The following ZNF175 variants were observed in gnomAD, a reference collection of about 807,000 sequenced individuals.
ZNF175 encodes the protein zinc finger protein OTK18.
A neutral mutation model predicts 14.0 loss-of-function variants in ZNF175; 8 were observed. The ratio of observed to expected loss-of-function variants is 0.57; its 90% CI spans 0.34 to 1.03. The LOEUF (loss-of-function observed/expected upper bound fraction) is 1.03. Among genes scored for constraint, ZNF175 ranks in the 50% least tolerant of loss-of-function variants. ZNF175 has a pLI of 0.03. For synonymous variants in ZNF175, 255 were observed against 296.8 expected (o/e 0.86, Z 1.45); for missense variants, 764 against 849.5 (o/e 0.90, Z 1.25).
In ZNF175 at chr19:51,589,120, G is replaced by A. The variant is rs117687667; in HGVS notation, c.*653G>A. The A allele has an allele frequency of 3.6e-3, 714 of 198,402 alleles. 2 individuals are homozygous for A. Among genetic ancestry groups the A allele is most frequent in the Non-Finnish European group, 5.4e-3 (541 of 99,756 alleles). The allele number at this position is 198,402 out of a possible 1,614,324, so 12.3% of individuals were successfully genotyped here. A position where few individuals can be genotyped will look rare whatever the true frequency, so the allele number is the denominator to read the frequency against. On this transcript the variant is annotated 3_prime_UTR_variant, in exon 5 of 5. Transcript: ENST00000262259. The stretch of plus-strand genomic sequence containing the variant: ...GCTCCAATTAGCATTTCCTTTGAGC[G>A]TCATGTTAGAGTTCAAAAAGTTTCA...
rs1404186099 is a variant in ZNF175, at chr19:51,587,305, A to G, written c.974A>G (p.Tyr325Cys). 1 of 1,614,246 alleles carries G rather than the reference A, an allele frequency of 6.2e-7. No homozygotes were observed. Among genetic ancestry groups the G allele is most frequent in the Non-Finnish European group, 8.5e-7 (1 of 1,180,032 alleles). ...ATGCCACAACTAAAACTCAGTGTAT[A>G]TCTGACAGATCATACAGGTGATATA... ...AFMPQLKLSV[Y>C]LTDHTGDIPC... Residue 325 changes from tyrosine to cysteine, a missense_variant, in exon 5 of 5, where the codon TAT (tyrosine) becomes TGT (cysteine). By Grantham distance (194) the Tyr-to-Cys change is radical. Coordinates refer to ENST00000262259, the MANE Select transcript of ZNF175 (RefSeq NM_007147.4).
chr19:51,581,256 T>G, intron 2 of ZNF175, 135 bp from the exon 3 acceptor site: 1 of 1,165,998 alleles, frequency 8.6e-7, no homozygotes, highest in Non-Finnish European at 1.2e-6. Flanking sequence ...CCTAAAAATG[T>G]GAAATAGGTG....
In ZNF175 at chr19:51,587,006, C is replaced by A; in HGVS notation, c.675C>A (p.Asp225Glu). ...GCAATGACACAGAACAGCTTGATGACGTTGTTGGGTCTGGTCAGCTATTCA... is the reference window on the plus strand; with the variant it reads ...GCAATGACACAGAACAGCTTGATGAAGTTGTTGGGTCTGGTCAGCTATTCA... ...NESNDTEQLD[D>E]VVGSGQLFSH... Residue 225 changes from aspartate (D) to glutamate (E), a missense_variant, in exon 5 of 5, where the codon GAC becomes GAA. Coordinates refer to ENST00000262259, the MANE Select transcript of ZNF175 (RefSeq NM_007147.4). 1 of 1,614,172 alleles carries A rather than the reference C, an allele frequency of 6.2e-7. No individual in the cohort carries two copies. The highest frequency in any genetic ancestry group is 8.5e-7 in the Non-Finnish European group (1 of 1,180,002).
chr19:51,581,665 A>G lies in ZNF175; in HGVS notation c.200-122A>G. On this transcript the variant is annotated intron_variant, in intron 3 of 4. Coordinates refer to ENST00000262259, the MANE Select transcript of ZNF175 (RefSeq NM_007147.4). ...TGTTTGTTTCTTTTGGGCACCTTCT[A>G]GTATTATTTTGTGCCCAGTGGAAAA... The G allele has an allele frequency of 2.0e-6, 3 of 1,516,338 alleles. No individual in the cohort carries two copies. In the South Asian group the frequency reaches 3.9e-5, roughly 20 times the overall value. The allele number at this position is 1,516,338 out of a possible 1,614,324, so 93.9% of individuals were successfully genotyped here.
In ZNF175 at chr19:51,588,499, A is replaced by T. The variant is rs1982253741; in HGVS notation, c.*32A>T. On this transcript the variant is annotated 3_prime_UTR_variant, in exon 5 of 5. Transcript: ENST00000262259. The stretch of plus-strand genomic sequence containing the variant: ...AGTGCATCAGCATATTCATAAATGA[A>T]ATATACTCCGAGTTTCTTGAAGAAG... 6.6e-7 allele frequency: 1 copy of T among 1,505,320 alleles called. No homozygotes were observed. Among genetic ancestry groups the T allele is most frequent in the East Asian group, 2.3e-5 (1 of 43,916 alleles). The allele number at this position is 1,505,320 out of a possible 1,614,324, so 93.2% of individuals were successfully genotyped here. A position where few individuals can be genotyped will look rare whatever the true frequency, so the allele number is the denominator to read the frequency against.
chr19:51,576,140 G>GTTT (rs1317986267), intron 2 of ZNF175, among the ~76,000 whole-genome samples: 1 of 135,324 alleles, frequency 7.4e-6, no homozygotes. Context: ...TTCAGGGACA[G>GTTT]TTTTTTTTTT....
rs1253235388 is a variant in ZNF175, at chr19:51,581,440, G to A, written c.122G>A (p.Trp41Ter). ...ACCGTGGACTTCAGCAGGGAGGAGT[G>A]GCAGCAACTGGACCCTGCCCAGAGA... Reference protein sequence around the residue: ...DVTVDFSREEWQQLDPAQRCL... With the variant: ...DVTVDFSREE Residue 41 changes from tryptophan to a stop codon, truncating the protein, a stop_gained, in exon 3 of 5, where the codon TGG (tryptophan) becomes TAG (stop). Transcript: ENST00000262259. LOFTEE classifies it high-confidence loss of function. 1.2e-6 allele frequency: 2 copies of A among 1,614,014 alleles called. No homozygotes were observed. The highest frequency in any genetic ancestry group is 2.2e-5 in the East Asian group (1 of 44,892).
At chr19:51,578,407 A>AT (rs1981882466) in intron 2 of ZNF175, among the ~76,000 whole-genome samples, 1 of 68,664 alleles carries the variant, frequency 1.5e-5, no homozygotes. Flanking sequence ...TCTCAAAAAA[A>AT]AAGAAGCAAG....
At position 51,588,089 on chromosome 19, in the gene ZNF175, C is replaced by T. The variant is rs370046542; in HGVS notation, c.1758C>T (p.Pro586=). The change falls in exon 5 of 5, where the codon CCC becomes CCT. Residue 586 remains proline, a synonymous_variant. Coordinates refer to ENST00000262259, the MANE Select transcript of ZNF175 (RefSeq NM_007147.4). ...AGCGAATTCACACGGGTGAGAAACC[C>T]TATGTGTGCACTGAATGTGGGAAGG... ...EHQRIHTGEK[P]YVCTECGKAF... 1.2e-6 allele frequency: 2 copies of T among 1,613,752 alleles called. No homozygotes were observed. Among genetic ancestry groups the T allele is most frequent in the African/African-American group, 2.7e-5 (2 of 74,820 alleles).
chr19:51,580,247 C>T (rs1401098931), intron 2 of ZNF175, among the ~76,000 whole-genome samples: 1 of 152,146 alleles, frequency 6.6e-6, no homozygotes, highest in African/African-American at 2.4e-5. Flanking sequence ...TAATAGTTTG[C>T]ACACCACGTA....
At chr19:51,573,482 C>G (rs749238319) in intron 2 of ZNF175, 81 bp downstream of exon 2, 1 of 1,380,196 alleles carries the variant, frequency 7.2e-7, no homozygotes, top group South Asian at 1.2e-5. Flanking sequence ...CTCCCTGCTC[C>G]TGAGTCAGTC....
At position 51,590,232 on chromosome 19, in the gene ZNF175, C is replaced by T. The variant is rs1157655900; in HGVS notation, c.*1765C>T. ...TTTGATTCCTGGCTCCACTCTCTAC[C>T]CTCTGCATCTGCTGAGCAAGTTATT... On this transcript the variant is annotated 3_prime_UTR_variant, in exon 5 of 5. Coordinates refer to ENST00000262259, the MANE Select transcript of ZNF175 (RefSeq NM_007147.4). The T allele has an allele frequency of 6.6e-6, 1 of 152,494 alleles. No individual in the cohort carries two copies. Among genetic ancestry groups the T allele is most frequent in the Admixed American group, 6.5e-5 (1 of 15,306 alleles). The allele number at this position is 152,494 out of a possible 1,614,324, so 9.4% of individuals were successfully genotyped here.
Position 51,592,379 on chromosome 19 carries a change from C to G in ZNF175, c.*3912C>G. Reference sequence around the variant, plus strand: ...TTGTGGCTCCTTTGCAGATTACATGCGTTAATTATGTAAAGTCAAGCATTA... The same window carrying G: ...TTGTGGCTCCTTTGCAGATTACATGGGTTAATTATGTAAAGTCAAGCATTA... On this transcript the variant is annotated 3_prime_UTR_variant, in exon 5 of 5. Coordinates refer to ENST00000262259, the MANE Select transcript of ZNF175 (RefSeq NM_007147.4). 1 of 422,504 alleles carries G rather than the reference C, an allele frequency of 2.4e-6. No individual in the cohort carries two copies. The highest frequency in any genetic ancestry group is 4.2e-6 in the Non-Finnish European group (1 of 240,648). The allele number at this position is 422,504 out of a possible 1,614,324, so 26.2% of individuals were successfully genotyped here.
chr19:51,589,378 A>T lies in ZNF175; in HGVS notation c.*911A>T. ...TTATTTTTTAAGAGAATCTAATCTA[A>T]TTGTTTTTATAAAAATTATTCCCTA... is the stretch of plus-strand genomic sequence containing the variant. On this transcript the variant is annotated 3_prime_UTR_variant, in exon 5 of 5. Coordinates refer to ENST00000262259, the MANE Select transcript of ZNF175 (RefSeq NM_007147.4). The T allele has an allele frequency of 1.7e-6, 1 of 584,364 alleles. No individual in the cohort carries two copies. Among genetic ancestry groups the T allele is most frequent in the Non-Finnish European group, 3.0e-6 (1 of 331,458 alleles). 36.2% of individuals were successfully genotyped at this position (584,364 alleles called of 1,614,324 possible).
At position 51,587,372 on chromosome 19, in the gene ZNF175, A is replaced by T; in HGVS notation, c.1041A>T (p.Arg347Ser). The T allele has an allele frequency of 6.2e-7, 1 of 1,614,120 alleles. No individual in the cohort carries two copies. The highest frequency in any genetic ancestry group is 8.5e-7 in the Non-Finnish European group (1 of 1,180,010). ...CKECGKVFIQRSELLTHQKTH... is the reference protein window; with the variant it reads ...CKECGKVFIQSSELLTHQKTH... Reference sequence around the variant, plus strand: ...AATGTGGGAAGGTCTTTATTCAGAGATCAGAATTGCTTACGCACCAGAAAA... The same window carrying T: ...AATGTGGGAAGGTCTTTATTCAGAGTTCAGAATTGCTTACGCACCAGAAAA... The change falls in exon 5 of 5, where the codon AGA becomes AGT. Residue 347 changes from arginine to serine, a missense_variant. Physicochemically the swap from Arg to Ser is moderately radical, Grantham distance 110. Coordinates refer to ENST00000262259, the MANE Select transcript of ZNF175 (RefSeq NM_007147.4).
At chr19:51,582,965 C>T (rs1982062635) in intron 4 of ZNF175, among the ~76,000 whole-genome samples, 1 of 152,132 alleles carries the variant, frequency 6.6e-6, no homozygotes, top group African/African-American at 2.4e-5. Flanking sequence ...GAGTGATTCT[C>T]CTGCCTCAGC....
At chr19:51,581,669 T>C in intron 3 of ZNF175, 118 bp from the exon 4 acceptor site, 1 of 1,518,734 alleles carries the variant, frequency 6.6e-7, no homozygotes, top group Non-Finnish European at 8.8e-7. Context: ...CCTTCTAGTA[T>C]TATTTTGTGC....
intron 2 of ZNF175, among the ~76,000 whole-genome samples, chr19:51,574,449 C>T (rs1600078514): frequency 1.3e-5 from 2 of 152,080 alleles, no homozygotes; most frequent in Admixed American, 6.6e-5. Flanking sequence ...CCGAGGCGGG[C>T]GGATCACTTG....
At chr19:51,577,718 C>T (rs572403011) in intron 2 of ZNF175, among the ~76,000 whole-genome samples, 1 of 140,292 alleles carries the variant, frequency 7.1e-6, no homozygotes, top group South Asian at 2.2e-4. Context: ...GGCTGGAGTG[C>T]AGTGGCACGA....
Sources: allele counts gnomAD v4.1 joint callset (sites outside exome capture counted in the v4.1 genomes callset), GRCh38; gene constraint gnomAD v4.1.1; transcripts MANE v1.5; gene names NCBI Gene and HGNC (gene_info 2026-07-23, HGNC 2026-07-21).